The following FNBP1L variants were observed in gnomAD, a reference collection of about 807,000 sequenced individuals.
FNBP1L encodes the protein formin binding protein 1 like.
FNBP1L carries 36 observed loss-of-function variants against 91.2 expected under a neutral mutation model. The observed-to-expected ratio is 0.39, with a 90% CI of 0.30 to 0.52. The LOEUF (loss-of-function observed/expected upper bound fraction) is 0.52, where lower values mean the gene tolerates loss of function less well. Among genes scored for constraint, FNBP1L ranks in the 20% least tolerant of loss-of-function variants. The probability of loss-of-function intolerance (pLI) is 0.66; values close to 1 mark genes in which losing one functional copy is unlikely to be tolerated. For missense variants in FNBP1L, 571 were observed against 732.1 expected (o/e 0.78, Z 2.54); for synonymous variants, 242 against 237.0 (o/e 1.02, Z -0.19).
chr1:93,505,621 A>G (rs970500399), intron 2 of FNBP1L, among the ~76,000 whole-genome samples: 1 of 152,260 alleles, frequency 6.6e-6, no homozygotes, highest in African/African-American at 2.4e-5. Context: ...AGCTAAGAGC[A>G]TAAAGTAATG....
intron 1 of FNBP1L, among the ~76,000 whole-genome samples, chr1:93,488,059 G>T (rs1002472069): frequency 2.0e-5 from 3 of 152,008 alleles, no homozygotes; most frequent in African/African-American, 7.3e-5. Flanking sequence ...CTAGTTCATG[G>T]GGCTCAAAAT....
intron 1 of FNBP1L, among the ~76,000 whole-genome samples, chr1:93,473,303 T>C (rs1669369902): frequency 6.6e-6 from 1 of 152,234 alleles, no homozygotes; most frequent in East Asian, 1.9e-4. Flanking sequence ...TGGAACATTA[T>C]CTGTGTGCCA....
chr1:93,492,182 T>C (rs926350356), intron 1 of FNBP1L, among the ~76,000 whole-genome samples: 7 of 152,196 alleles, frequency 4.6e-5, no homozygotes, highest in Admixed American at 2.0e-4. Context: ...GTCTTAGATA[T>C]CTATTTTTTA....
intron 1 of FNBP1L, among the ~76,000 whole-genome samples, chr1:93,466,541 G>A (rs1336325554): frequency 1.3e-5 from 2 of 152,138 alleles, no homozygotes; most frequent in Non-Finnish European, 2.9e-5. Context: ...TGAGGCCTCT[G>A]TTCTGTTCCA....
At chr1:93,456,422 A>G (rs1198493734) in intron 1 of FNBP1L, among the ~76,000 whole-genome samples, 1 of 151,994 alleles carries the variant, frequency 6.6e-6, no homozygotes, top group Non-Finnish European at 1.5e-5. Flanking sequence ...TGTTGTTTTT[A>G]GGGAGTAAAG....
intron 2 of FNBP1L, among the ~76,000 whole-genome samples, chr1:93,509,189 A>G (rs1670733471): frequency 6.6e-6 from 1 of 152,212 alleles, no homozygotes; most frequent in Non-Finnish European, 1.5e-5. Flanking sequence ...CAGGGACTAA[A>G]CATAACTAAA....
chr1:93,512,311 A>G (rs909665654), intron 2 of FNBP1L, among the ~76,000 whole-genome samples: 6 of 151,908 alleles, frequency 3.9e-5, no homozygotes, highest in Admixed American at 2.6e-4. Flanking sequence ...AGACTCCCAC[A>G]CATTAATAAT....
intron 1 of FNBP1L, among the ~76,000 whole-genome samples, chr1:93,458,138 T>C (rs1404899570): frequency 6.6e-6 from 1 of 152,180 alleles, no homozygotes; most frequent in Non-Finnish European, 1.5e-5. Context: ...CTATTTTGAT[T>C]TCTAAGAGCT....
Position 93,536,589 on chromosome 1 carries a change from T to A in FNBP1L, c.1149+99T>A, listed in dbSNP as rs553444665. 181 of 1,104,060 alleles carry A rather than the reference T, an allele frequency of 1.6e-4. No homozygotes were observed. The South Asian group carries it at 4.5e-3, about 27-fold the overall frequency. 68.4% of individuals were successfully genotyped at this position (1,104,060 alleles called of 1,614,324 possible). A position where few individuals can be genotyped will look rare whatever the true frequency, so the allele number is the denominator to read the frequency against. On this transcript the variant is annotated intron_variant, in intron 10 of 16. Transcript: ENST00000271234. ...TCATTATAAGGCTCTCTCCTATAAA[T>A]ACACAGTTTAAAAACACCACAGAAT...
chr1:93,534,189 A>G (rs1382577114), intron 8 of FNBP1L, among the ~76,000 whole-genome samples: 1 of 152,166 alleles, frequency 6.6e-6, no homozygotes, highest in South Asian at 2.1e-4. Context: ...TCCACAGTAT[A>G]TATTTAATTT....
At chr1:93,546,717 A>G (rs1306844371) in intron 12 of FNBP1L, 125 bp from the exon 13 acceptor site, 19 of 997,230 alleles carry the variant, frequency 1.9e-5, no homozygotes, top group Non-Finnish European at 2.8e-5. Context: ...ATGTTAGACA[A>G]ACTTAAAAAG....
intron 2 of FNBP1L, among the ~76,000 whole-genome samples, chr1:93,515,417 A>C (rs1429852532): frequency 6.6e-6 from 1 of 151,944 alleles, no homozygotes; most frequent in South Asian, 2.1e-4. Context: ...ATTACTGGGT[A>C]TATACCCAAA....
intron 2 of FNBP1L, among the ~76,000 whole-genome samples, chr1:93,512,981 G>T (rs1670917689): frequency 6.6e-6 from 1 of 152,058 alleles, no homozygotes; most frequent in South Asian, 2.1e-4. Flanking sequence ...AATGAATCCA[G>T]GAGCTGGTTT....
chr1:93,523,200 C>G, intron 3 of FNBP1L, 144 bp from the exon 4 acceptor site: 1 of 701,500 alleles, frequency 1.4e-6, no homozygotes, highest in Non-Finnish European at 2.2e-6. Flanking sequence ...GGATTTTTTT[C>G]CATATGAAGT....
chr1:93,512,738 C>A (rs537357251), intron 2 of FNBP1L, among the ~76,000 whole-genome samples: 111 of 151,892 alleles, frequency 7.3e-4, no homozygotes, highest in African/African-American at 2.5e-3. Context: ...AACAAAGACA[C>A]AACATACCAG....
chr1:93,479,768 T>TTA (rs1369432262), intron 1 of FNBP1L, among the ~76,000 whole-genome samples: 1 of 152,208 alleles, frequency 6.6e-6, no homozygotes, highest in Non-Finnish European at 1.5e-5. Flanking sequence ...ACCTTATGGT[T>TTA]GTCTTCCCTT....
chr1:93,522,042 T>C, intron 2 of FNBP1L, 40 bp from the exon 3 acceptor site: 1 of 1,299,404 alleles, frequency 7.7e-7, no homozygotes, highest in Non-Finnish European at 1.0e-6. Context: ...TAACAATAGT[T>C]GAAATTTTTA....
intron 1 of FNBP1L, among the ~76,000 whole-genome samples, chr1:93,485,264 T>G (rs1295583071): frequency 2.0e-5 from 3 of 152,092 alleles, no homozygotes; most frequent in Non-Finnish European, 4.4e-5. Flanking sequence ...ACTACACAGA[T>G]AGAGCTTACT....
Position 93,448,319 on chromosome 1 carries a change from A to T in FNBP1L, c.24+14A>T. 1 of 1,505,002 alleles carries T rather than the reference A, an allele frequency of 6.6e-7. No homozygotes were observed. Among genetic ancestry groups the T allele is most frequent in the Non-Finnish European group, 8.9e-7 (1 of 1,128,350 alleles). The allele number at this position is 1,505,002 out of a possible 1,614,324, so 93.2% of individuals were successfully genotyped here. A position where few individuals can be genotyped will look rare whatever the true frequency, so the allele number is the denominator to read the frequency against. On this transcript the variant is annotated intron_variant, in intron 1 of 16. Transcript: ENST00000271234. ...ACGGAGCTGTGGGTGAGTCGGGGAG[A>T]GGGGCGCCCCGCACGGACCCCGGCC...
Sources: gnomAD v4.1 joint callset for allele counts (sites outside exome capture counted in the v4.1 genomes callset) on GRCh38, gnomAD v4.1.1 for gene constraint, MANE v1.5 for transcripts, NCBI Gene and HGNC (gene_info 2026-07-23, HGNC 2026-07-21) for gene names.